Variants in PRKN observed in about 807,000 individuals in gnomAD.
PRKN encodes the protein E3 ubiquitin-protein ligase parkin.
PRKN carries 56 observed loss-of-function variants against 59.5 expected under a neutral mutation model. That is an observed-to-expected ratio of 0.94 (90% CI 0.76 to 1.18). The LOEUF (loss-of-function observed/expected upper bound fraction) is 1.18. Ranked by LOEUF, PRKN falls within the 50% of genes most tolerant of loss-of-function variation. PRKN has a pLI of 0.00. For missense variants in PRKN, 657 were observed against 596.4 expected, an observed-to-expected ratio of 1.10 and a Z score of -1.06; for synonymous variants, 250 against 222.1, an observed-to-expected ratio of 1.13 and a Z score of -1.12.
chr6:161,425,503 G>A (rs771619120), intron 9 of PRKN, among the ~76,000 whole-genome samples: 4 of 147,414 alleles, frequency 2.7e-5, no homozygotes, highest in Admixed American at 6.7e-5. Flanking sequence ...GTGTAGGTCC[G>A]TGGTCCGATT....
At chr6:161,763,540 G>A (rs1438446925) in intron 7 of PRKN, among the ~76,000 whole-genome samples, 1 of 152,034 alleles carries the variant, frequency 6.6e-6, no homozygotes, top group Admixed American at 6.5e-5. Flanking sequence ...TTTCCTCAGC[G>A]ACCACGTTGT....
chr6:161,792,102 G>A (rs565262462), intron 6 of PRKN, among the ~76,000 whole-genome samples: 29 of 152,330 alleles, frequency 1.9e-4, no homozygotes, highest in South Asian at 6.2e-4. Flanking sequence ...TAGGATGACT[G>A]AAGCCCTGGC....
chr6:161,465,645 C>T (rs1317802729), intron 9 of PRKN, among the ~76,000 whole-genome samples: 3 of 152,102 alleles, frequency 2.0e-5, no homozygotes, highest in African/African-American at 4.8e-5. Context: ...AACATTATCT[C>T]CTTATCTTGT....
At chr6:161,965,093 T>G (rs893042576) in intron 6 of PRKN, among the ~76,000 whole-genome samples, 2 of 152,098 alleles carry the variant, frequency 1.3e-5, no homozygotes, top group African/African-American at 2.4e-5. Context: ...AAATTATCTT[T>G]AAGTCATTCT....
At chr6:161,570,026 C>T (rs1287112043) in intron 7 of PRKN, among the ~76,000 whole-genome samples, 1 of 149,996 alleles carries the variant, frequency 6.7e-6, no homozygotes, top group Admixed American at 6.7e-5. Flanking sequence ...CCCAGCAGTT[C>T]TGGTGCCTAT....
chr6:161,845,238 G>A (rs1215113681), intron 6 of PRKN, among the ~76,000 whole-genome samples: 1 of 152,180 alleles, frequency 6.6e-6, no homozygotes, highest in East Asian at 1.9e-4. Context: ...AGGACAGCAA[G>A]AGCCCCTGGC....
At chr6:161,602,531 T>C (rs1263751177) in intron 7 of PRKN, among the ~76,000 whole-genome samples, 5 of 152,196 alleles carry the variant, frequency 3.3e-5, no homozygotes, top group Non-Finnish European at 5.9e-5. Context: ...AATGTTAACA[T>C]TGAGTTGTCC....
chr6:161,542,876 C>T (rs1017262713), intron 9 of PRKN, among the ~76,000 whole-genome samples: 5 of 151,894 alleles, frequency 3.3e-5, no homozygotes, highest in Non-Finnish European at 7.4e-5. Context: ...TATTTGGAGA[C>T]TAGATTTTAA....
chr6:161,653,023 A>C (rs1222204606), intron 7 of PRKN, among the ~76,000 whole-genome samples: 1 of 152,202 alleles, frequency 6.6e-6, no homozygotes, highest in Non-Finnish European at 1.5e-5. Flanking sequence ...ATCAATGTTG[A>C]CTTATCATGA....
intron 1 of PRKN, among the ~76,000 whole-genome samples, chr6:162,458,131 GTAAT>G (rs1790976043): frequency 2.9e-5 from 4 of 139,828 alleles, no homozygotes; most frequent in Non-Finnish European, 4.9e-5. Flanking sequence ...GCACACACCT[GTAAT>G]CCCCAGCTAC....
intron 1 of PRKN, among the ~76,000 whole-genome samples, chr6:162,578,435 C>T (rs555283236): frequency 5.6e-4 from 85 of 152,128 alleles, no homozygotes; most frequent in African/African-American, 1.9e-3. Flanking sequence ...AATTAATTAT[C>T]GTTTTTAAAT....
At chr6:162,450,753 A>G (rs557764098) in intron 1 of PRKN, among the ~76,000 whole-genome samples, 1 of 152,356 alleles carries the variant, frequency 6.6e-6, no homozygotes, top group Non-Finnish European at 1.5e-5. Context: ...AAACTGTTAG[A>G]GTCTAAGGGC....
chr6:162,288,791 C>T (rs186596177), intron 2 of PRKN, among the ~76,000 whole-genome samples: 1 of 152,282 alleles, frequency 6.6e-6, no homozygotes, highest in Non-Finnish European at 1.5e-5. Context: ...ATTTATCATT[C>T]CAAGGATTCT....
intron 7 of PRKN, among the ~76,000 whole-genome samples, chr6:161,739,156 C>A (rs1005544524): frequency 6.6e-6 from 1 of 151,998 alleles, no homozygotes; most frequent in African/African-American, 2.4e-5. Flanking sequence ...ACCTGTAATC[C>A]CAGCACTTGG....
chr6:162,031,537 TC>T (rs1463600675), intron 5 of PRKN, among the ~76,000 whole-genome samples: 2 of 132,760 alleles, frequency 1.5e-5, no homozygotes, highest in Non-Finnish European at 3.1e-5. Context: ...CTTTTCTTTT[TC>T]TTTTTTTTTT....
At chr6:161,846,566 A>C (rs118087936) in intron 6 of PRKN, among the ~76,000 whole-genome samples, 3,881 of 152,204 alleles carry the variant, frequency 0.025, 72 homozygotes, top group South Asian at 0.048. Context: ...ATACAGGTAT[A>C]TCCAAAGGAT....
intron 3 of PRKN, among the ~76,000 whole-genome samples, chr6:162,242,646 C>G (rs1308581677): frequency 6.6e-6 from 1 of 152,148 alleles, no homozygotes; most frequent in East Asian, 1.9e-4. Context: ...AAACTACTCA[C>G]AGCAACAAAT....
chr6:162,491,781 G>A (rs1792828293), intron 1 of PRKN, among the ~76,000 whole-genome samples: 3 of 152,292 alleles, frequency 2.0e-5, no homozygotes, highest in South Asian at 4.1e-4. Context: ...GTGACCAGCC[G>A]CACAATCAGG....
intron 7 of PRKN, among the ~76,000 whole-genome samples, chr6:161,756,914 C>T (rs567933401): frequency 7.2e-5 from 11 of 152,168 alleles, no homozygotes; most frequent in African/African-American, 2.2e-4. Context: ...TGACACAGAG[C>T]GCAGAGAACA....
Sources: gnomAD v4.1 joint callset for allele counts (sites outside exome capture counted in the v4.1 genomes callset) on GRCh38, gnomAD v4.1.1 for gene constraint, MANE v1.5 for transcripts, NCBI Gene and HGNC (gene_info 2026-07-23, HGNC 2026-07-21) for gene names.